PCDH15: variants seen among roughly 807,000 people sequenced by gnomAD.
PCDH15 encodes protocadherin-15.
In PCDH15, 129 loss-of-function variants were observed where a neutral mutation model predicts 178.5. The ratio of observed to expected loss-of-function variants is 0.72; its 90% CI spans 0.63 to 0.84. The LOEUF (loss-of-function observed/expected upper bound fraction) is 0.84. Among genes scored for constraint, PCDH15 ranks in the 40% least tolerant of loss-of-function variants. The pLI is 0.00. For synonymous variants in PCDH15, 800 were observed against 732.0 expected (o/e 1.09, Z -1.50); for missense variants, 2,230 against 2,099.9 (o/e 1.06, Z -1.21).
chr10:54,426,341 A>T lies in PCDH15; in HGVS notation c.158-47399T>A, dbSNP rs568331060. 3.3e-5 allele frequency among the ~76,000 whole-genome samples: 5 copies of T among 152,292 alleles called. No homozygotes were observed. In the East Asian group the frequency reaches 9.7e-4, roughly 29 times the overall value. On this transcript the variant is annotated intron_variant, in intron 3 of 37. Coordinates refer to ENST00000644397, the MANE Select transcript of PCDH15 (RefSeq NM_001384140.1). The stretch of plus-strand genomic sequence containing the variant: ...GGGATGAAACTGTTCCACCACTCAG[A>T]TCATCAAGCATTACACTCTCATAAG...
intron 2 of PCDH15, among the ~76,000 whole-genome samples, chr10:55,087,022 C>T (rs1442291365): frequency 2.6e-5 from 4 of 151,916 alleles, no homozygotes; most frequent in African/African-American, 9.7e-5. Context: ...ATTATAAAAT[C>T]AAAGTTTTAC....
At chr10:54,621,624 C>G (rs549276165) in intron 2 of PCDH15, among the ~76,000 whole-genome samples, 3 of 152,022 alleles carry the variant, frequency 2.0e-5, no homozygotes, top group East Asian at 1.9e-4. Flanking sequence ...CTAAAAGGAA[C>G]ATTATGTTTT....
intron 8 of PCDH15, among the ~76,000 whole-genome samples, chr10:54,259,998 G>T (rs572643499): frequency 6.6e-6 from 1 of 152,076 alleles, no homozygotes; most frequent in Non-Finnish European, 1.5e-5. Context: ...GAGCACAGCC[G>T]CTAAATTTAT....
At chr10:55,225,062 T>C (rs1442523870) in intron 1 of PCDH15, among the ~76,000 whole-genome samples, 1 of 152,092 alleles carries the variant, frequency 6.6e-6, no homozygotes, top group African/African-American at 2.4e-5. Context: ...GTCTTATTGT[T>C]TTAGTATTTG....
At chr10:55,149,847 T>TA (rs1228478973) in intron 2 of PCDH15, among the ~76,000 whole-genome samples, 1 of 152,108 alleles carries the variant, frequency 6.6e-6, no homozygotes, top group East Asian at 1.9e-4. Flanking sequence ...ATCATGTTCT[T>TA]AATGTTCTCA....
At chr10:55,249,255 CTAGA>C (rs1841768109) in intron 1 of PCDH15, among the ~76,000 whole-genome samples, 1 of 152,112 alleles carries the variant, frequency 6.6e-6, no homozygotes, top group Admixed American at 6.6e-5. Flanking sequence ...GCAATCATCT[CTAGA>C]TAGATAAAGG....
intron 2 of PCDH15, among the ~76,000 whole-genome samples, chr10:54,529,379 A>C (rs756765427): frequency 6.6e-6 from 1 of 152,224 alleles, no homozygotes; most frequent in Non-Finnish European, 1.5e-5. Flanking sequence ...CTGATCTCCC[A>C]GAAGTCTTGT....
At chr10:54,126,251 A>G (rs1267536726) in intron 15 of PCDH15, among the ~76,000 whole-genome samples, 1 of 151,994 alleles carries the variant, frequency 6.6e-6, no homozygotes, top group Admixed American at 6.6e-5. Context: ...TTGTATTTTT[A>G]GTAGAGACAG....
intron 32 of PCDH15, chr10:53,822,260 A>T: frequency 6.2e-7 from 1 of 1,613,780 alleles, no homozygotes; most frequent in East Asian, 2.2e-5. Flanking sequence ...GAATAGAAGG[A>T]GGTGGTGGAG....
At chr10:54,758,058 C>G (rs188165404) in intron 1 of PCDH15, among the ~76,000 whole-genome samples, 58 of 151,856 alleles carry the variant, frequency 3.8e-4, no homozygotes, top group Non-Finnish European at 7.7e-4. Context: ...AGAATATACA[C>G]GAAAAAGAAA....
At chr10:55,332,208 G>T (rs929875105) in intron 2 of PCDH15, among the ~76,000 whole-genome samples, 2 of 151,848 alleles carry the variant, frequency 1.3e-5, no homozygotes, top group Non-Finnish European at 2.9e-5. Context: ...AGGTGATAAA[G>T]ATATATGTCT....
At chr10:55,287,183 T>C (rs1842893997) in intron 1 of PCDH15, among the ~76,000 whole-genome samples, 1 of 151,924 alleles carries the variant, frequency 6.6e-6, no homozygotes, top group Non-Finnish European at 1.5e-5. Context: ...GAGAAGAAGG[T>C]TCTACTCAAA....
intron 2 of PCDH15, among the ~76,000 whole-genome samples, chr10:55,028,462 G>A (rs1310510276): frequency 6.6e-6 from 1 of 151,640 alleles, no homozygotes; most frequent in East Asian, 1.9e-4. Context: ...GAAAAAGAAA[G>A]CATTTATCTT....
intron 3 of PCDH15, among the ~76,000 whole-genome samples, chr10:54,522,403 C>G (rs73258150): frequency 0.08 from 12,117 of 152,240 alleles, 478 homozygotes; most frequent in African/African-American, 0.09. Context: ...AACTTATCAG[C>G]ATATTCATCT....
chr10:53,888,304 A>ATATACGTATATATATG (rs1554845199), intron 26 of PCDH15, among the ~76,000 whole-genome samples: 1 of 88,976 alleles, frequency 1.1e-5, no homozygotes, highest in African/African-American at 5.8e-5. Context: ...ATATATATAT[A>ATATACGTATATATATG]TATATGTATA....
chr10:54,473,240 C>T (rs2078042415), intron 3 of PCDH15, among the ~76,000 whole-genome samples: 1 of 152,022 alleles, frequency 6.6e-6, no homozygotes, highest in Non-Finnish European at 1.5e-5. Context: ...GGAAGAAGTT[C>T]TAAGAAAGTA....
At chr10:55,164,014 T>A (rs1172604260) in intron 2 of PCDH15, among the ~76,000 whole-genome samples, 1 of 152,140 alleles carries the variant, frequency 6.6e-6, no homozygotes, top group Non-Finnish European at 1.5e-5. Context: ...AACCTTCTCT[T>A]GGGGTCTGGA....
At chr10:55,051,687 A>G (rs567646322) in intron 2 of PCDH15, among the ~76,000 whole-genome samples, 1 of 152,256 alleles carries the variant, frequency 6.6e-6, no homozygotes. Flanking sequence ...ACTGACCACA[A>G]CCCTCATCAT....
chr10:54,379,871 G>A (rs1948969733), intron 3 of PCDH15, among the ~76,000 whole-genome samples: 1 of 151,898 alleles, frequency 6.6e-6, no homozygotes, highest in Non-Finnish European at 1.5e-5. Context: ...AAAAACACTA[G>A]AATAAATGGC....
Sources: gnomAD v4.1 joint callset for allele counts (sites outside exome capture counted in the v4.1 genomes callset) on GRCh38, gnomAD v4.1.1 for gene constraint, MANE v1.5 for transcripts, NCBI Gene and HGNC (gene_info 2026-07-23, HGNC 2026-07-21) for gene names.